CACNA1C: variants seen among roughly 807,000 people sequenced by gnomAD.
CACNA1C encodes voltage-dependent L-type calcium channel subunit alpha-1C.
A neutral mutation model predicts 229.0 loss-of-function variants in CACNA1C; 30 were observed. That is an observed-to-expected ratio of 0.13 (90% CI 0.10 to 0.18). The LOEUF (loss-of-function observed/expected upper bound fraction) is 0.18. Among genes scored for constraint, CACNA1C ranks in the 10% least tolerant of loss-of-function variants. The pLI, the probability that CACNA1C is intolerant of heterozygous loss-of-function variation, is 1.00. For synonymous variants in CACNA1C, 1,114 were observed against 1,132.5 expected (o/e 0.98, Z 0.33); for missense variants, 1,658 against 2,845.0 (o/e 0.58, Z 9.49).
intron 12 of CACNA1C, among the ~76,000 whole-genome samples, chr12:2,567,339 G>T (rs1312324216): frequency 6.6e-6 from 1 of 152,224 alleles, no homozygotes; most frequent in Non-Finnish European, 1.5e-5. Flanking sequence ...GATTGTGTGT[G>T]CTGAGCCTAT....
At chr12:2,312,853 C>T (rs1228091220) in intron 3 of CACNA1C, among the ~76,000 whole-genome samples, 2 of 152,122 alleles carry the variant, frequency 1.3e-5, no homozygotes, top group African/African-American at 2.4e-5. Flanking sequence ...CAAGGGCTCC[C>T]CAGTCCTGAA....
chr12:2,669,012 C>T lies in CACNA1C; in HGVS notation c.4703C>T (p.Thr1568Met), dbSNP rs764831817. 1.9e-6 allele frequency: 3 copies of T among 1,613,516 alleles called. No homozygotes were observed. The highest frequency in any genetic ancestry group is 1.7e-5 in the Admixed American group (1 of 60,026). ...GCCACCCTGTTTGCCCTGGTCAGGA[C>T]GGCCCTGAGGATCAAAACAGAAGGT... The part of the protein sequence containing the change: ...FNATLFALVR[T>M]ALRIKTEGNL... Residue 1568 changes from threonine (T) to methionine (M), a missense_variant, in exon 38 of 47, where the codon ACG (threonine) becomes ATG (methionine). Physicochemically the swap from Thr to Met is moderately conservative, Grantham distance 81. Around this residue, in one of 20 missense-constraint regions of CACNA1C, gnomAD observed 151 missense variants for 344.4 expected, o/e 0.44. Transcript: ENST00000399655.
At chr12:1,984,810 TTA>T (rs2037208484) in intron 1 of CACNA1C, among the ~76,000 whole-genome samples, 1 of 151,598 alleles carries the variant, frequency 6.6e-6, no homozygotes. Flanking sequence ...AAGGTTCTTT[TTA>T]TGTTTCCTTT....
At chr12:2,592,428 C>T (rs1287805147) in intron 18 of CACNA1C, among the ~76,000 whole-genome samples, 4 of 152,226 alleles carry the variant, frequency 2.6e-5, no homozygotes, top group Non-Finnish European at 5.9e-5. Flanking sequence ...CTGGTCCAGG[C>T]GATTGGCTGG....
intron 9 of CACNA1C, among the ~76,000 whole-genome samples, chr12:2,544,148 GAA>G (rs796983264): frequency 4.9e-5 from 6 of 121,706 alleles, no homozygotes; most frequent in Admixed American, 8.4e-5. Context: ...TCTGAGAAGT[GAA>G]AAAAAAAAAA....
chr12:2,621,188 T>C (rs1467358543), intron 29 of CACNA1C, among the ~76,000 whole-genome samples: 1 of 151,902 alleles, frequency 6.6e-6, no homozygotes, highest in African/African-American at 2.4e-5. Context: ...GCTCACAGAG[T>C]AGTGCGGGAG....
intron 45 of CACNA1C, among the ~76,000 whole-genome samples, chr12:2,688,126 G>T (rs966924984): frequency 2.6e-5 from 4 of 152,196 alleles, no homozygotes; most frequent in African/African-American, 9.6e-5. Flanking sequence ...ACAAAACCAA[G>T]AGCGAGAGAA....
At chr12:2,268,750 C>T (rs1197417921) in intron 3 of CACNA1C, among the ~76,000 whole-genome samples, 2 of 152,116 alleles carry the variant, frequency 1.3e-5, no homozygotes, top group Admixed American at 6.5e-5. Context: ...GGAGGTTCCC[C>T]GGGAGACTGT....
rs2071830358 is a variant in CACNA1C, at chr12:2,601,007, C to G, written c.2854-847C>G. Reference sequence around the variant, plus strand: ...ACTAAGAGAATTTGAGTTTCTTGCTCCAGGCCACAAAAATAAAATACCACA... The same window carrying G: ...ACTAAGAGAATTTGAGTTTCTTGCTGCAGGCCACAAAAATAAAATACCACA... On this transcript the variant is annotated intron_variant, in intron 21 of 46. Coordinates refer to ENST00000399655, the MANE Select transcript of CACNA1C (RefSeq NM_000719.7). This position sits in a 1 kb window ranked among gnomAD's most constrained non-coding sequence, Gnocchi z 5.9. Among the ~76,000 whole-genome samples, 1 of 152,176 alleles carries G rather than the reference C, an allele frequency of 6.6e-6. No individual in the cohort carries two copies. Among genetic ancestry groups the G allele is most frequent in the African/African-American group, 2.4e-5 (1 of 41,428 alleles).
intron 3 of CACNA1C, among the ~76,000 whole-genome samples, chr12:2,219,484 G>GT (rs1181772491): frequency 3.9e-5 from 6 of 152,066 alleles, no homozygotes; most frequent in Admixed American, 1.3e-4. Context: ...GAAACCAAGT[G>GT]TTTTATTTTT....
chr12:2,480,393 G>A (rs1278609681), intron 5 of CACNA1C, among the ~76,000 whole-genome samples: 1 of 152,150 alleles, frequency 6.6e-6, no homozygotes, highest in African/African-American at 2.4e-5. Flanking sequence ...GGACCCTCGT[G>A]GTACCCTATT....
chr12:2,368,739 G>A (rs2097780717), intron 3 of CACNA1C, among the ~76,000 whole-genome samples: 1 of 152,190 alleles, frequency 6.6e-6, no homozygotes, highest in Non-Finnish European at 1.5e-5. Flanking sequence ...AGCCCAGGGT[G>A]TATTTTCTTT....
chr12:2,061,819 C>T (rs1339611509), intron 1 of CACNA1C, among the ~76,000 whole-genome samples: 1 of 152,220 alleles, frequency 6.6e-6, no homozygotes, highest in Non-Finnish European at 1.5e-5. Context: ...CTTCCCAGTA[C>T]AGGAGGACGG....
At chr12:2,612,115 A>T in intron 29 of CACNA1C, 102 bp downstream of exon 29, 4 of 733,414 alleles carry the variant, frequency 5.5e-6, no homozygotes, top group Non-Finnish European at 9.6e-6. Context: ...AAGAGGGAAA[A>T]AGGCATCGGT....
intron 3 of CACNA1C, among the ~76,000 whole-genome samples, chr12:2,162,120 T>C (rs536859911): frequency 7.2e-5 from 11 of 152,258 alleles, no homozygotes; most frequent in African/African-American, 2.4e-4. Context: ...GGGTTTAGTT[T>C]TGGGCCTAAC....
At chr12:2,606,785 T>C in intron 25 of CACNA1C, 122 bp downstream of exon 25, 1 of 962,666 alleles carries the variant, frequency 1.0e-6, no homozygotes, top group Admixed American at 2.2e-5. Flanking sequence ...GCTCTGCCTG[T>C]GTGTCATCTG....
intron 4 of CACNA1C, among the ~76,000 whole-genome samples, chr12:2,451,055 C>T (rs77234923): frequency 0.024 from 3,688 of 152,216 alleles, 69 homozygotes; most frequent in Non-Finnish European, 0.034. Context: ...CAATGAATGA[C>T]GCACTTTGGC....
At chr12:2,224,498 C>T (rs2062364662) in intron 3 of CACNA1C, among the ~76,000 whole-genome samples, 1 of 152,204 alleles carries the variant, frequency 6.6e-6, no homozygotes, top group Non-Finnish European at 1.5e-5. Context: ...TTCCCAGCCC[C>T]TGTTCTGCTC....
rs150410434 is a variant in CACNA1C at position 2,404,710 on chromosome 12, G to A, written c.478-44266G>A. On this transcript the variant is annotated intron_variant, in intron 3 of 46. Coordinates refer to ENST00000399655, the MANE Select transcript of CACNA1C (RefSeq NM_000719.7). ...CACATGAAGACAAATAGTTTGTCTC[G>A]TCAGCTTCTGGGGGTCACTTGTTCA... Among the ~76,000 whole-genome samples the A allele has an allele frequency of 6.7e-3, 1,013 of 152,226 alleles. 16 individuals are homozygous for A. Among genetic ancestry groups the A allele is most frequent in the African/African-American group, 0.024 (982 of 41,542 alleles).
Sources: allele counts gnomAD v4.1 joint callset (sites outside exome capture counted in the v4.1 genomes callset), GRCh38; gene constraint gnomAD v4.1.1; regional missense constraint gnomAD v4.1.1; non-coding constraint Gnocchi (gnomAD v3.1); transcripts MANE v1.5; gene names NCBI Gene and HGNC (gene_info 2026-07-23, HGNC 2026-07-21).